The following HECW2 variants were observed in gnomAD, a reference collection of about 807,000 sequenced individuals.
HECW2 encodes E3 ubiquitin-protein ligase HECW2.
HECW2 carries 61 observed loss-of-function variants against 175.2 expected under a neutral mutation model. That is an observed-to-expected ratio of 0.35 (90% CI 0.28 to 0.43). HECW2 has a LOEUF of 0.43. Among genes scored for constraint, HECW2 ranks in the 20% least tolerant of loss-of-function variants. The pLI is 1.00. For synonymous variants in HECW2, 671 were observed against 731.0 expected (o/e 0.92, Z 1.32); for missense variants, 1,524 against 2,000.5 (o/e 0.76, Z 4.54).
At chr2:196,351,971 T>C (rs61649616) in intron 2 of HECW2, among the ~76,000 whole-genome samples, 3,353 of 152,232 alleles carry the variant, frequency 0.022, 115 homozygotes, top group African/African-American at 0.077. Context: ...CAGAGCTACA[T>C]TGAGGAGAAA....
intron 2 of HECW2, among the ~76,000 whole-genome samples, chr2:196,392,523 A>G (rs1004608316): frequency 6.6e-6 from 1 of 152,330 alleles, no homozygotes; most frequent in Admixed American, 6.5e-5. Flanking sequence ...GTGTTTTGTC[A>G]GCAATGCAAC....
chr2:196,427,998 T>A (rs927387413), intron 2 of HECW2, among the ~76,000 whole-genome samples: 1 of 152,194 alleles, frequency 6.6e-6, no homozygotes, highest in East Asian at 1.9e-4. Context: ...AGATTAGAAG[T>A]GCTACAAGTC....
chr2:196,307,838 C>G (rs1691326401), intron 11 of HECW2, 97 bp downstream of exon 11: 5 of 1,191,120 alleles, frequency 4.2e-6, no homozygotes, highest in Non-Finnish European at 5.6e-6. Context: ...ACAGGACACA[C>G]AAAGATCAAA....
At chr2:196,236,747 G>T (rs1688266225) in intron 21 of HECW2, among the ~76,000 whole-genome samples, 1 of 152,178 alleles carries the variant, frequency 6.6e-6, no homozygotes, top group African/African-American at 2.4e-5. Flanking sequence ...AGCATTATGT[G>T]TTCGGGAGGA....
Position 196,307,984 on chromosome 2 carries a change from C to A in HECW2, c.2536G>T (p.Val846Leu). The A allele has an allele frequency of 6.2e-7, 1 of 1,604,252 alleles. No homozygotes were observed. Among genetic ancestry groups the A allele is most frequent in the Non-Finnish European group, 8.5e-7 (1 of 1,172,762 alleles). The change falls in exon 11 of 29, where the codon GTG becomes TTG. Residue 846 changes from valine (V) to leucine (L), a missense_variant. Physicochemically the swap from Val to Leu is conservative, Grantham distance 32 (BLOSUM62 1). This residue lies in a region of HECW2 where 82 missense variants were observed against 124.4 expected (regional missense o/e 0.66). Coordinates refer to ENST00000644978, the MANE Select transcript of HECW2 (RefSeq NM_001348768.2). ...QRPTAPPAPQVLQRSNSIQQM... is the reference protein window; with the variant it reads ...QRPTAPPAPQLLQRSNSIQQM... Reference sequence around the variant, plus strand: ...TGTATGGAGTTAGATCTCTGCAGCACCTGCGGGGCTGGGGGAGCTGTCGGT... The same window carrying A: ...TGTATGGAGTTAGATCTCTGCAGCAACTGCGGGGCTGGGGGAGCTGTCGGT...
chr2:196,457,740 T>A (rs1032105460), intron 1 of HECW2, among the ~76,000 whole-genome samples: 1 of 152,216 alleles, frequency 6.6e-6, no homozygotes, highest in African/African-American at 2.4e-5. Context: ...AAGTCTGTGA[T>A]TCATTTAAAA....
intron 4 of HECW2, among the ~76,000 whole-genome samples, chr2:196,331,524 A>G (rs10186935): frequency 0.041 from 6,258 of 152,332 alleles, 459 homozygotes; most frequent in African/African-American, 0.14. Context: ...CATCTCTGTC[A>G]GCTATGGATA....
At chr2:196,425,060 G>C (rs1695505162) in intron 2 of HECW2, among the ~76,000 whole-genome samples, 1 of 152,010 alleles carries the variant, frequency 6.6e-6, no homozygotes, top group African/African-American at 2.4e-5. Context: ...TACCATTCCA[G>C]AAATCCTAGA....
chr2:196,211,961 C>T (rs1007580199), intron 28 of HECW2, among the ~76,000 whole-genome samples: 4 of 152,112 alleles, frequency 2.6e-5, no homozygotes, highest in East Asian at 1.9e-4. Context: ...TCCTGCCTCC[C>T]GAGTAGCTGG....
chr2:196,590,090 C>T (rs1301104581), intron 1 of HECW2, among the ~76,000 whole-genome samples: 1 of 152,072 alleles, frequency 6.6e-6, no homozygotes, highest in South Asian at 2.1e-4. Context: ...GACTCAAAAT[C>T]TGGTGTCGGA....
At chr2:196,378,446 A>T (rs1489715568) in intron 2 of HECW2, among the ~76,000 whole-genome samples, 1 of 152,198 alleles carries the variant, frequency 6.6e-6, no homozygotes, top group Non-Finnish European at 1.5e-5. Context: ...CCATTGGCCC[A>T]ATTAGAATAT....
At chr2:196,521,631 C>A (rs1048798991) in intron 1 of HECW2, among the ~76,000 whole-genome samples, 2 of 119,834 alleles carry the variant, frequency 1.7e-5, no homozygotes, top group Admixed American at 9.5e-5. Context: ...ATCCCTCCCC[C>A]CTCCCCCCAC....
At chr2:196,342,836 G>T (rs1213491510) in intron 3 of HECW2, among the ~76,000 whole-genome samples, 3 of 152,056 alleles carry the variant, frequency 2.0e-5, no homozygotes. Context: ...GGCAAGTCAT[G>T]TTATTAAATT....
intron 1 of HECW2, among the ~76,000 whole-genome samples, chr2:196,528,176 A>C (rs1226108436): frequency 6.6e-6 from 1 of 152,146 alleles, no homozygotes; most frequent in East Asian, 1.9e-4. Context: ...TAATATGCAA[A>C]ATTCTTCCCT....
chr2:196,527,789 C>G (rs1347594936), intron 1 of HECW2, among the ~76,000 whole-genome samples: 2 of 152,170 alleles, frequency 1.3e-5, no homozygotes, highest in Non-Finnish European at 2.9e-5. Context: ...GTTTATAGCC[C>G]TGTCCTAGAA....
At chr2:196,570,788 T>C (rs1690356728) in intron 1 of HECW2, among the ~76,000 whole-genome samples, 1 of 152,192 alleles carries the variant, frequency 6.6e-6, no homozygotes, top group Admixed American at 6.5e-5. Context: ...TCTTGAAAAA[T>C]TGGCATATCT....
At chr2:196,279,399 TA>T (rs1452069879) in intron 14 of HECW2, among the ~76,000 whole-genome samples, 1 of 152,168 alleles carries the variant, frequency 6.6e-6, no homozygotes, top group Non-Finnish European at 1.5e-5. Context: ...TCCTATACAG[TA>T]AGCCACAAAA....
intron 1 of HECW2, among the ~76,000 whole-genome samples, chr2:196,529,629 G>A (rs143943881): frequency 3.8e-4 from 58 of 152,320 alleles, no homozygotes; most frequent in Non-Finnish European, 5.4e-4. Flanking sequence ...GTGTGCTCAT[G>A]TTCATCCATA....
Position 196,220,117 on chromosome 2 carries a change from T to G in HECW2, c.4330A>C (p.Arg1444=). The G allele has an allele frequency of 6.2e-7, 1 of 1,613,592 alleles. No homozygotes were observed. Among genetic ancestry groups the G allele is most frequent in the Non-Finnish European group, 8.5e-7 (1 of 1,179,804 alleles). Residue 1444 remains arginine (R), a synonymous_variant, in exon 26 of 29, where the codon AGA becomes CGA. Transcript: ENST00000644978. ...CCTGCGATGACCAATTCCAGTTCTC[T>G]TGCATCAAAAACAGATACCAGCCTG... The part of the protein sequence containing the change: ...DARLVSVFDA[R]ELELVIAGTA...
Sources: allele counts gnomAD v4.1 joint callset (sites outside exome capture counted in the v4.1 genomes callset), GRCh38; gene constraint gnomAD v4.1.1; regional missense constraint gnomAD v4.1.1; transcripts MANE v1.5; gene names NCBI Gene and HGNC (gene_info 2026-07-23, HGNC 2026-07-21).